The following SCRIB variants were observed in gnomAD, a reference collection of about 807,000 sequenced individuals.
The protein encoded by SCRIB is scribble planar cell polarity protein, also known as protein scribble homolog.
In SCRIB, 72 loss-of-function variants were observed where a neutral mutation model predicts 170.0. That is an observed-to-expected ratio of 0.42 (90% confidence interval 0.35 to 0.52). The LOEUF (loss-of-function observed/expected upper bound fraction) is 0.52. Ranked by LOEUF, SCRIB falls within the 20% of genes least tolerant of loss-of-function variation. The probability of loss-of-function intolerance (pLI) is 0.02; values close to 1 mark genes in which losing one functional copy is unlikely to be tolerated. For missense variants in SCRIB, 2,475 were observed against 2,338.5 expected, an observed-to-expected ratio of 1.06 and a Z score of -1.20; for synonymous variants, 1,298 against 1,044.3, an observed-to-expected ratio of 1.24 and a Z score of -4.68.
rs782570433 is a variant in SCRIB at position 143,804,780 on chromosome 8, A to G, written c.2797T>C (p.Ser933Pro). ...GTGGGGGAGGCAGCGGTCAGCAGGG[A>G]GACGGCGTGGTCATGCCTGGCCTCA... is the stretch of plus-strand genomic sequence containing the variant. ...VTEARHDHAVSLLTAASPTIA... is the reference protein window; with the variant it reads ...VTEARHDHAVPLLTAASPTIA... Residue 933 changes from serine (S) to proline (P), a missense_variant, in exon 21 of 37, where the codon TCC (serine) becomes CCC (proline). By Grantham distance (74) the Ser-to-Pro change is moderately conservative (BLOSUM62 -1). Coordinates refer to ENST00000356994, the MANE Select transcript of SCRIB (RefSeq NM_182706.5). 1 of 1,601,604 alleles carries G rather than the reference A, an allele frequency of 6.2e-7. No homozygotes were observed. Among genetic ancestry groups the G allele is most frequent in the Non-Finnish European group, 8.5e-7 (1 of 1,176,944 alleles).
chr8:143,805,566 T>A, intron 18 of SCRIB, 131 bp from the exon 19 acceptor site: 1 of 912,366 alleles, frequency 1.1e-6, no homozygotes, highest in Non-Finnish European at 1.6e-6. Flanking sequence ...CCCCAGGCGC[T>A]GACATCACCC....
In SCRIB at chr8:143,811,340, C is replaced by A; in HGVS notation, c.912G>T (p.Leu304=). The A allele has an allele frequency of 1.2e-6, 2 of 1,611,802 alleles. No individual in the cohort carries two copies. Among genetic ancestry groups the A allele is most frequent in the Non-Finnish European group, 1.7e-6 (2 of 1,179,114 alleles). ...TAGTCAGCTTTCCCAGGGAGCGGGG[C>A]AGGGCCTGGCCAAGAAGAGGAGGTC... ...LILTENLLMA[L]PRSLGKLTKL... Residue 304 remains leucine (L), a synonymous_variant, in exon 10 of 37, where the codon CTG becomes CTT. Coordinates refer to ENST00000356994, the MANE Select transcript of SCRIB (RefSeq NM_182706.5).
chr8:143,791,548 G>C, intron 35 of SCRIB, 108 bp from the exon 36 acceptor site: 5 of 1,569,840 alleles, frequency 3.2e-6, no homozygotes, highest in Non-Finnish European at 4.4e-6. Context: ...GCTGAAGGGG[G>C]AGGGGGGGTG....
At chr8:143,806,736 G>C (rs1815442115) in intron 17 of SCRIB, among the ~76,000 whole-genome samples, 188 bp downstream of exon 17, 1 of 152,216 alleles carries the variant, frequency 6.6e-6, no homozygotes, top group Admixed American at 6.5e-5. Flanking sequence ...GCTGTGAAGG[G>C]AAGACAGACC....
Position 143,803,831 on chromosome 8 carries a change from G to A in SCRIB, c.3230C>T (p.Ala1077Val). The A allele has an allele frequency of 6.2e-7, 1 of 1,603,862 alleles. No homozygotes were observed. Among genetic ancestry groups the A allele is most frequent in the Non-Finnish European group, 8.5e-7 (1 of 1,178,462 alleles). ...CAGCTCCAGGCAGGGCCGGAGCAGG[G>A]CACTGACTGCTTCTTGGTGCGTGGC... is the stretch of plus-strand genomic sequence containing the variant. ...RDATHQEAVSALLRPCLELSL... is the reference protein window; with the variant it reads ...RDATHQEAVSVLLRPCLELSL... The change falls in exon 23 of 37, where the codon GCC becomes GTC. Residue 1077 changes from alanine (A) to valine (V), a missense_variant. Around this residue, in one of 3 missense-constraint regions of SCRIB, gnomAD observed 1,966 missense variants for 1,742.9 expected, o/e 1.13. Transcript: ENST00000356994.
rs751260829 is a variant in SCRIB at position 143,813,118 on chromosome 8, C to T, written c.568-14G>A. ...CAGAGTGTCTGGCTGCAAGAAGGAACAGAGAAAATAGTGACTATGAGGCAA... is the reference window on the plus strand; with the variant it reads ...CAGAGTGTCTGGCTGCAAGAAGGAATAGAGAAAATAGTGACTATGAGGCAA... On this transcript the variant is annotated splice_polypyrimidine_tract_variant and intron_variant, in intron 6 of 36. Coordinates refer to ENST00000356994, the MANE Select transcript of SCRIB (RefSeq NM_182706.5). 6.4e-7 allele frequency: 1 copy of T among 1,572,938 alleles called. No individual in the cohort carries two copies. Among genetic ancestry groups the T allele is most frequent in the Non-Finnish European group, 8.6e-7 (1 of 1,157,384 alleles).
At position 143,812,966 on chromosome 8, in the gene SCRIB, A is replaced by G. The variant is rs892089913; in HGVS notation, c.643-5T>C. 5 of 1,612,526 alleles carry G rather than the reference A, an allele frequency of 3.1e-6. No homozygotes were observed. Among genetic ancestry groups the G allele is most frequent in the African/African-American group, 2.7e-5 (2 of 74,930 alleles). ...GCGCCGCAGGTTCCCGAGCTCCTGCAGGTGGGCAGAGAGTCAGAGCGCGGA... is the reference window on the plus strand; with the variant it reads ...GCGCCGCAGGTTCCCGAGCTCCTGCGGGTGGGCAGAGAGTCAGAGCGCGGA... On this transcript the variant is annotated splice_polypyrimidine_tract_variant and splice_region_variant and intron_variant, in intron 7 of 36. Coordinates refer to ENST00000356994, the MANE Select transcript of SCRIB (RefSeq NM_182706.5).
At position 143,807,545 on chromosome 8, in the gene SCRIB, T is replaced by C; in HGVS notation, c.2178+7A>G. 1 of 1,611,974 alleles carries C rather than the reference T, an allele frequency of 6.2e-7. No homozygotes were observed. The highest frequency in any genetic ancestry group is 8.5e-7 in the Non-Finnish European group (1 of 1,178,172). On this transcript the variant is annotated splice_region_variant and intron_variant, in intron 16 of 36. Coordinates refer to ENST00000356994, the MANE Select transcript of SCRIB (RefSeq NM_182706.5). ...CCCGGCCAGAGTGCAGAGCGAGCAGTACAGACCTCTTCCTCCTCAATGCGA... is the reference window on the plus strand; with the variant it reads ...CCCGGCCAGAGTGCAGAGCGAGCAGCACAGACCTCTTCCTCCTCAATGCGA...
intron 18 of SCRIB, among the ~76,000 whole-genome samples, chr8:143,805,641 C>T (rs1271079276): frequency 1.3e-5 from 2 of 152,180 alleles, no homozygotes; most frequent in Non-Finnish European, 2.9e-5. Flanking sequence ...CTCTGAAACC[C>T]GGTGTGGGAA....
chr8:143,811,077 G>A lies in SCRIB; in HGVS notation c.1107-5C>T, dbSNP rs373130329. The A allele has an allele frequency of 8.1e-5, 131 of 1,609,812 alleles. 2 individuals are homozygous for A. The African/African-American group carries it at 1.2e-3, about 14-fold the overall frequency. On this transcript the variant is annotated splice_polypyrimidine_tract_variant and splice_region_variant and intron_variant, in intron 10 of 36. Coordinates refer to ENST00000356994, the MANE Select transcript of SCRIB (RefSeq NM_182706.5). ...GCGAACGGCAGACTCTGCAGGCTGC[G>A]GGCCGGGCGGGCACAGTCAGCAGGC...
rs202141711 is a variant in SCRIB at position 143,795,059 on chromosome 8, G to A, written c.3825C>T (p.Pro1275=). ...KLDYRALAAV[P]SAGSVQRVPS... is the part of the protein sequence containing the mutation. Reference sequence around the variant, plus strand: ...TCACCCTCTGCACGCTGCCAGCGCTGGGCACGGCGGCCAGGGCGCGGTAGT... The same window carrying A: ...TCACCCTCTGCACGCTGCCAGCGCTAGGCACGGCGGCCAGGGCGCGGTAGT... The change falls in exon 27 of 37, where the codon CCC becomes CCT. Residue 1275 remains proline, a synonymous_variant. Transcript: ENST00000356994. 269 of 1,611,160 alleles carry A rather than the reference G, an allele frequency of 1.7e-4. No homozygotes were observed. Among genetic ancestry groups the A allele is most frequent in the Middle Eastern group, 1.1e-3 (6 of 5,496 alleles).
At chr8:143,795,793 G>C (rs1814920427) in intron 24 of SCRIB, among the ~76,000 whole-genome samples, 1 of 152,236 alleles carries the variant, frequency 6.6e-6, no homozygotes, top group African/African-American at 2.4e-5. Context: ...AGGCAAGACT[G>C]TGAAGTAGCA....
At chr8:143,791,784 AG>A (rs781900364) in intron 34 of SCRIB, 44 bp from the exon 35 acceptor site, 37 of 926,222 alleles carry the variant, frequency 4.0e-5, no homozygotes, top group African/African-American at 7.1e-5. Context: ...GTGAGAGGAA[AG>A]GGGGGGATGA....
chr8:143,812,390 G>A lies in SCRIB; in HGVS notation c.788-6C>T, dbSNP rs776159539. On this transcript the variant is annotated splice_polypyrimidine_tract_variant and splice_region_variant and intron_variant, in intron 8 of 36. Coordinates refer to ENST00000356994, the MANE Select transcript of SCRIB (RefSeq NM_182706.5). ...GGATAGCTGCTTCAGCTGACCTGGC[G>A]TCGGGGAGACAGGGGGACAAGGCTG... is the stretch of plus-strand genomic sequence containing the variant. The A allele has an allele frequency of 1.1e-5, 17 of 1,598,586 alleles. No individual in the cohort carries two copies. Among genetic ancestry groups the A allele is most frequent in the East Asian group, 4.5e-5 (2 of 44,814 alleles).
At chr8:143,792,427 C>T (rs782687136) in intron 31 of SCRIB, 22 bp from the exon 32 acceptor site, 3 of 1,504,404 alleles carry the variant, frequency 2.0e-6, no homozygotes, top group South Asian at 1.3e-5. Context: ...ACAGGACGTG[C>T]TGTGGGGGGC....
intron 8 of SCRIB, 136 bp from the exon 9 acceptor site, chr8:143,812,520 T>G (rs1267398754): frequency 1.6e-6 from 1 of 635,732 alleles, no homozygotes; most frequent in Non-Finnish European, 2.6e-6. Flanking sequence ...GGGAGGACCC[T>G]ACCTACCTTG....
chr8:143,796,840 G>C (rs1814967530), intron 24 of SCRIB, among the ~76,000 whole-genome samples: 1 of 152,204 alleles, frequency 6.6e-6, no homozygotes, highest in Non-Finnish European at 1.5e-5. Context: ...GTCCCAGGTA[G>C]CCCGGCCTCT....
chr8:143,794,080 T>C (rs111790697), intron 27 of SCRIB, 118 bp from the exon 28 acceptor site: 1 of 900,174 alleles, frequency 1.1e-6, no homozygotes, highest in Non-Finnish European at 1.7e-6. Context: ...TTCCCCAACC[T>C]GACTATAGCC....
chr8:143,805,744 C>T (rs1463755980), intron 18 of SCRIB, among the ~76,000 whole-genome samples: 1 of 152,208 alleles, frequency 6.6e-6, no homozygotes, highest in East Asian at 1.9e-4. Flanking sequence ...TACCTCCGGC[C>T]CATCTGCACA....
Sources: gnomAD v4.1 joint callset for allele counts (sites outside exome capture counted in the v4.1 genomes callset) on GRCh38, gnomAD v4.1.1 for gene constraint, gnomAD v4.1.1 regional missense constraint, MANE v1.5 for transcripts, NCBI Gene and HGNC (gene_info 2026-07-23, HGNC 2026-07-21) for gene names.